The following HIP1 variants were observed in gnomAD, a reference collection of about 807,000 sequenced individuals.
HIP1 encodes huntingtin interacting protein 1, also known as huntingtin-interacting protein 1.
Under a neutral mutation model 147.6 loss-of-function variants are expected in HIP1, and 65 were observed. That is an observed-to-expected ratio of 0.44 (90% CI 0.36 to 0.54). The LOEUF (loss-of-function observed/expected upper bound fraction) is 0.54, where lower values mean the gene tolerates loss of function less well. Ranked by LOEUF, HIP1 falls within the 20% of genes least tolerant of loss-of-function variation. The pLI is 0.00. For missense variants in HIP1, 1,061 were observed against 1,299.6 expected (o/e 0.82, Z 2.82); for synonymous variants, 479 against 504.0 (o/e 0.95, Z 0.67).
rs114516699 is a variant in HIP1 at position 75,699,204 on chromosome 7, C to T, written c.120+39597G>A. ...CAAGTGGTCTCCTGCCTCGACCTCC[C>T]AAGTAACTAGGACTATAGGCGCTCG... On this transcript the variant is annotated intron_variant, in intron 1 of 30. Coordinates refer to ENST00000336926, the MANE Select transcript of HIP1 (RefSeq NM_005338.7). Among the ~76,000 whole-genome samples the T allele has an allele frequency of 2.6e-3, 397 of 152,100 alleles. 1 individual carries two copies. Among genetic ancestry groups the T allele is most frequent in the Middle Eastern group, 6.8e-3 (2 of 294 alleles).
At chr7:75,556,993 T>A (rs1795031955) in intron 16 of HIP1, among the ~76,000 whole-genome samples, 182 bp from the exon 17 acceptor site, 1 of 151,222 alleles carries the variant, frequency 6.6e-6, no homozygotes, top group African/African-American at 2.4e-5. Context: ...GTACTGAAAA[T>A]GTGGAATGTC....
intron 1 of HIP1, among the ~76,000 whole-genome samples, chr7:75,678,400 G>A (rs1376217087): frequency 1.4e-5 from 2 of 143,658 alleles, no homozygotes; most frequent in African/African-American, 5.3e-5. Flanking sequence ...CTGGAGTACG[G>A]TGGCACAATC....
intron 1 of HIP1, among the ~76,000 whole-genome samples, chr7:75,642,203 G>A (rs73141209): frequency 0.032 from 4,844 of 152,172 alleles, 120 homozygotes; most frequent in Non-Finnish European, 0.045. Context: ...TTCTAGACCA[G>A]CCTGGGTAAC....
chr7:75,622,233 T>C (rs1797867317), intron 1 of HIP1, among the ~76,000 whole-genome samples: 1 of 151,664 alleles, frequency 6.6e-6, no homozygotes, highest in East Asian at 1.9e-4. Flanking sequence ...GCTGAGATCA[T>C]GCCACTGCAC....
chr7:75,586,676 A>T, intron 5 of HIP1, 77 bp downstream of exon 5: 1 of 881,814 alleles, frequency 1.1e-6, no homozygotes, highest in Non-Finnish European at 1.9e-6. Context: ...AAGAGCTGAC[A>T]AATGAGCCCA....
chr7:75,694,211 C>A (rs932781274), intron 1 of HIP1, among the ~76,000 whole-genome samples: 1 of 152,148 alleles, frequency 6.6e-6, no homozygotes, highest in African/African-American at 2.4e-5. Context: ...AGCCACCGCG[C>A]CCGGCCCCAA....
At chr7:75,690,132 G>C (rs1220162077) in intron 1 of HIP1, among the ~76,000 whole-genome samples, 1 of 152,088 alleles carries the variant, frequency 6.6e-6, no homozygotes, top group African/African-American at 2.4e-5. Context: ...AAAATTAGCT[G>C]GGCTTGGCGG....
chr7:75,718,726 T>C (rs7777461), intron 1 of HIP1, among the ~76,000 whole-genome samples: 13,217 of 152,148 alleles, frequency 0.087, 942 homozygotes, highest in East Asian at 0.19. Context: ...AATGTCTTTC[T>C]TGAGGTCACA....
At position 75,610,206 on chromosome 7, in the gene HIP1, T is replaced by C. The variant is rs1024667226; in HGVS notation, c.121-10959A>G. ...GCATGAGCCACCTCATCCAGCCCTTTTTTTTTTTTTTTTTTTATAAGAAAC... is the reference window on the plus strand; with the variant it reads ...GCATGAGCCACCTCATCCAGCCCTTCTTTTTTTTTTTTTTTTATAAGAAAC... On this transcript the variant is annotated intron_variant, in intron 1 of 30. Transcript: ENST00000336926. Among the ~76,000 whole-genome samples the C allele has an allele frequency of 5.2e-3, 602 of 116,058 alleles. 5 individuals carry two copies. The highest frequency in any genetic ancestry group is 0.035 in the African/African-American group (584 of 16,698). The allele number at this position is 116,058 out of a possible 152,430, so 76.1% of individuals were successfully genotyped here. A position where few individuals can be genotyped will look rare whatever the true frequency, so the allele number is the denominator to read the frequency against.
intron 6 of HIP1, 65 bp downstream of exon 6, chr7:75,582,010 T>C (rs1796072496): frequency 2.2e-6 from 3 of 1,349,518 alleles, no homozygotes; most frequent in Non-Finnish European, 3.1e-6. Flanking sequence ...CCATGACCCT[T>C]ATGAGAAGTG....
chr7:75,539,291 C>G, intron 30 of HIP1, 32 bp downstream of exon 30: 1 of 1,502,706 alleles, frequency 6.7e-7, no homozygotes, highest in Non-Finnish European at 9.3e-7. Flanking sequence ...CTCCCTGCTG[C>G]GGGTTAGTGC....
chr7:75,581,918 C>T (rs1554498670), intron 6 of HIP1, among the ~76,000 whole-genome samples, 157 bp downstream of exon 6: 1 of 152,138 alleles, frequency 6.6e-6, no homozygotes, highest in Non-Finnish European at 1.5e-5. Context: ...TGAGGCACCA[C>T]CAATAAATAA....
intron 1 of HIP1, among the ~76,000 whole-genome samples, chr7:75,637,988 C>CACACACA (rs1228093347): frequency 6.2e-5 from 3 of 48,210 alleles, no homozygotes; most frequent in African/African-American, 1.8e-4. Context: ...CCCCCCCCCC[C>CACACACA]CCCCCACACA....
intron 1 of HIP1, among the ~76,000 whole-genome samples, chr7:75,694,486 CT>C (rs1398572707): frequency 6.8e-6 from 1 of 147,462 alleles, no homozygotes; most frequent in Non-Finnish European, 1.5e-5. Context: ...TTCTTTTTTT[CT>C]TTTTCTTTTC....
intron 1 of HIP1, among the ~76,000 whole-genome samples, chr7:75,718,481 C>T (rs1554520811): frequency 6.6e-6 from 1 of 152,150 alleles, no homozygotes; most frequent in African/African-American, 2.4e-5. Flanking sequence ...TATAACTATT[C>T]GGTTCTGGTA....
intron 1 of HIP1, among the ~76,000 whole-genome samples, chr7:75,608,254 C>T (rs1438490989): frequency 6.6e-6 from 1 of 152,122 alleles, no homozygotes; most frequent in African/African-American, 2.4e-5. Flanking sequence ...ACGCTGTGAG[C>T]CGAGATCACG....
At chr7:75,656,989 C>A (rs370045504) in intron 1 of HIP1, among the ~76,000 whole-genome samples, 1 of 152,166 alleles carries the variant, frequency 6.6e-6, no homozygotes, top group Non-Finnish European at 1.5e-5. Flanking sequence ...AAGCACTATT[C>A]CCAAGGGAAA....
chr7:75,547,940 T>C lies in HIP1; in HGVS notation c.2407-127A>G. On this transcript the variant is annotated intron_variant, in intron 23 of 30. Transcript: ENST00000336926. ...CTGAATCTGGAAGTCCCCAAGTCCC[T>C]GCCCACATTCTTGAGAGAGTCAGAA... 3 of 815,668 alleles carry C rather than the reference T, an allele frequency of 3.7e-6. No homozygotes were observed. The East Asian group carries it at 7.3e-5, about 20-fold the overall frequency. 50.5% of individuals were successfully genotyped at this position (815,668 alleles called of 1,614,324 possible).
chr7:75,586,297 G>A (rs1554499622), intron 5 of HIP1, among the ~76,000 whole-genome samples: 1 of 151,254 alleles, frequency 6.6e-6, no homozygotes, highest in East Asian at 1.9e-4. Context: ...CCTGGTCTCA[G>A]GTTCAAGCGA....
Sources: allele counts gnomAD v4.1 joint callset (sites outside exome capture counted in the v4.1 genomes callset), GRCh38; gene constraint gnomAD v4.1.1; transcripts MANE v1.5; gene names NCBI Gene and HGNC (gene_info 2026-07-23, HGNC 2026-07-21).